Variants in FRMD6 observed in about 807,000 individuals in gnomAD.
FRMD6 encodes FERM domain containing 6.
A neutral mutation model predicts 73.2 loss-of-function variants in FRMD6; 37 were observed. That is an observed-to-expected ratio of 0.51 (90% confidence interval 0.39 to 0.66). The LOEUF (loss-of-function observed/expected upper bound fraction) is 0.66. Among genes scored for constraint, FRMD6 ranks in the 30% least tolerant of loss-of-function variants. FRMD6 has a pLI of 0.00. For missense variants in FRMD6, 714 were observed against 780.5 expected (o/e 0.91, Z 1.02); for synonymous variants, 273 against 282.2 (o/e 0.97, Z 0.33).
intron 13 of FRMD6, among the ~76,000 whole-genome samples, chr14:51,726,890 G>T (rs1897988267): frequency 6.6e-6 from 1 of 152,184 alleles, no homozygotes; most frequent in Non-Finnish European, 1.5e-5. Context: ...TTCTAACAGG[G>T]TTGTCCTTTG....
chr14:51,679,204 CAGTG>C (rs1318916270), intron 1 of FRMD6, among the ~76,000 whole-genome samples: 4 of 151,732 alleles, frequency 2.6e-5, no homozygotes, highest in Non-Finnish European at 4.4e-5. Flanking sequence ...GGTGAGAACA[CAGTG>C]AGGTTGTATA....
At chr14:51,492,851 A>G (rs910809764) in intron 1 of FRMD6, among the ~76,000 whole-genome samples, 2 of 152,208 alleles carry the variant, frequency 1.3e-5, no homozygotes, top group Admixed American at 6.5e-5. Context: ...ACTAGGTGTG[A>G]TGGAGGCGGC....
intron 1 of FRMD6, among the ~76,000 whole-genome samples, chr14:51,569,081 G>C (rs1024059931): frequency 1.3e-5 from 2 of 152,002 alleles, no homozygotes; most frequent in African/African-American, 4.8e-5. Flanking sequence ...CCTGACCTCA[G>C]GTGATCCCCC....
intron 2 of FRMD6, among the ~76,000 whole-genome samples, chr14:51,600,187 G>A (rs1009867744): frequency 6.6e-6 from 1 of 152,110 alleles, no homozygotes; most frequent in Non-Finnish European, 1.5e-5. Context: ...GCTCTCCTTT[G>A]AGTTGCCAAG....
chr14:51,568,183 G>A (rs1207283039), intron 1 of FRMD6, among the ~76,000 whole-genome samples: 2 of 152,230 alleles, frequency 1.3e-5, no homozygotes, highest in Non-Finnish European at 2.9e-5. Context: ...AGGTGATGTT[G>A]TTCCTTACAA....
chr14:51,461,382 G>A, the FRMD6 span, among the ~76,000 whole-genome samples: 2 of 152,160 alleles, frequency 1.3e-5, no homozygotes, highest in Non-Finnish European at 2.9e-5. Flanking sequence ...TTCCACCTCT[G>A]AAACCTTCCA....
intron 1 of FRMD6, among the ~76,000 whole-genome samples, chr14:51,519,281 C>T (rs899669079): frequency 2.7e-5 from 4 of 150,652 alleles, no homozygotes; most frequent in East Asian, 3.9e-4. Flanking sequence ...TTTCCTGTCT[C>T]GACCTCCCAA....
intron 1 of FRMD6, among the ~76,000 whole-genome samples, chr14:51,661,452 A>G (rs911965609): frequency 2.6e-5 from 4 of 152,230 alleles, no homozygotes; most frequent in African/African-American, 9.6e-5. Context: ...ACACAATGGA[A>G]GAATGAACTA....
the FRMD6 span, among the ~76,000 whole-genome samples, chr14:51,412,199 T>TA: frequency 2.0e-5 from 3 of 152,208 alleles, no homozygotes; most frequent in Admixed American, 2.0e-4. Flanking sequence ...TAAATATATA[T>TA]TTTTGATATA....
chr14:51,431,437 G>C, the FRMD6 span, among the ~76,000 whole-genome samples: 1 of 152,104 alleles, frequency 6.6e-6, no homozygotes, highest in African/African-American at 2.4e-5. Context: ...AGTACTACCC[G>C]GTACAGAAAG....
At chr14:51,594,431 T>G (rs1317543428) in intron 2 of FRMD6, among the ~76,000 whole-genome samples, 1 of 152,034 alleles carries the variant, frequency 6.6e-6, no homozygotes, top group Non-Finnish European at 1.5e-5. Flanking sequence ...CAGGTTCAAG[T>G]GATACTCCTG....
upstream of FRMD6, among the ~76,000 whole-genome samples, chr14:51,486,178 G>T (rs552710143): frequency 1.1e-4 from 16 of 152,216 alleles, no homozygotes; most frequent in African/African-American, 3.4e-4. Context: ...GGGACTACAG[G>T]CGCCCGCCAC....
intron 2 of FRMD6, among the ~76,000 whole-genome samples, chr14:51,631,500 CAAGCTAAGG>C (rs1396908196): frequency 1.1e-4 from 17 of 152,142 alleles, no homozygotes; most frequent in Non-Finnish European, 2.1e-4. Context: ...CTTCTAGAAT[CAAGCTAAGG>C]AAGCTAAGGG....
At chr14:51,450,865 G>A in the FRMD6 span, among the ~76,000 whole-genome samples, 2 of 152,188 alleles carry the variant, frequency 1.3e-5, no homozygotes, top group Admixed American at 6.5e-5. Context: ...TGGACACAGA[G>A]GCAAGGAGAA....
chr14:51,545,181 C>CT (rs1276944044), intron 1 of FRMD6, among the ~76,000 whole-genome samples: 1 of 152,032 alleles, frequency 6.6e-6, no homozygotes, highest in Non-Finnish European at 1.5e-5. Context: ...AGCTTGGTGT[C>CT]TGTTAACCGA....
At chr14:51,624,333 AT>A (rs1891040395) in intron 2 of FRMD6, among the ~76,000 whole-genome samples, 1 of 152,196 alleles carries the variant, frequency 6.6e-6, no homozygotes, top group Non-Finnish European at 1.5e-5. Context: ...ATTGCAGAGA[AT>A]TTTATCTGAA....
At chr14:51,701,024 T>C (rs1238104780) in intron 3 of FRMD6, 32 bp from the exon 4 acceptor site, 1 of 1,085,804 alleles carries the variant, frequency 9.2e-7, no homozygotes, top group Non-Finnish European at 1.3e-6. Flanking sequence ...ATCCTTTCTT[T>C]AGCATGTCGT....
upstream of FRMD6, among the ~76,000 whole-genome samples, chr14:51,484,143 A>G (rs114146542): frequency 0.01 from 1,580 of 152,356 alleles, 27 homozygotes; most frequent in African/African-American, 0.036. Context: ...CATAAGTCAA[A>G]GAATATCTTT....
In FRMD6 at chr14:51,730,333, C is replaced by T. The variant is rs1252335455; in HGVS notation, c.*2304C>T. ...TCAAAGATGAATCATGCTAAGAACA[C>T]TTCTGCTTTTTGATCCACTGTTTGC... On this transcript the variant is annotated 3_prime_UTR_variant, in exon 14 of 14. Transcript: ENST00000344768. 6.6e-6 allele frequency: 1 copy of T among 152,150 alleles called. No homozygotes were observed. The highest frequency in any genetic ancestry group is 1.5e-5 in the Non-Finnish European group (1 of 68,030). 9.4% of individuals were successfully genotyped at this position (152,150 alleles called of 1,614,324 possible). A position where few individuals can be genotyped will look rare whatever the true frequency, so the allele number is the denominator to read the frequency against.
Sources: gnomAD v4.1 joint callset for allele counts (sites outside exome capture counted in the v4.1 genomes callset) on GRCh38, gnomAD v4.1.1 for gene constraint, MANE v1.5 for transcripts, NCBI Gene and HGNC (gene_info 2026-07-23, HGNC 2026-07-21) for gene names.